The following ZNF679 variants were observed in gnomAD, a reference collection of about 807,000 sequenced individuals.
The protein encoded by ZNF679 is hypothetical protein MGC42415.
A neutral mutation model predicts 13.4 loss-of-function variants in ZNF679; 10 were observed. The ratio of observed to expected loss-of-function variants is 0.75; its 90% CI spans 0.46 to 1.27. The LOEUF is 1.27. Ranked by LOEUF, ZNF679 falls within the 50% of genes most tolerant of loss-of-function variation. The probability of loss-of-function intolerance (pLI) is 0.00; values close to 1 mark genes in which losing one functional copy is unlikely to be tolerated. For synonymous variants in ZNF679, 179 were observed against 162.5 expected, an observed-to-expected ratio of 1.10 and a Z score of -0.77; for missense variants, 525 against 477.8, an observed-to-expected ratio of 1.10 and a Z score of -0.92.
chr7:64,236,600 A>C (rs988323193), intron 1 of ZNF679, among the ~76,000 whole-genome samples: 5 of 151,964 alleles, frequency 3.3e-5, no homozygotes, highest in African/African-American at 7.3e-5. Context: ...GCCTGGCCAA[A>C]ATGGCGAAAC....
chr7:64,250,202 C>T (rs1465856776), intron 2 of ZNF679, among the ~76,000 whole-genome samples: 1 of 151,516 alleles, frequency 6.6e-6, no homozygotes, highest in Non-Finnish European at 1.5e-5. Flanking sequence ...AATCAATCCA[C>T]CTTAGTCTAA....
At chr7:64,241,173 A>G (rs529927943) in intron 1 of ZNF679, among the ~76,000 whole-genome samples, 114 of 152,330 alleles carry the variant, frequency 7.5e-4, no homozygotes, top group African/African-American at 2.5e-3. Flanking sequence ...TACAACGTGC[A>G]TGCAAGTCAT....
chr7:64,266,003 CAAGTAAAAACATGT>C lies in ZNF679; in HGVS notation c.373_386del (p.Val125LysfsTer4). 3.1e-6 allele frequency: 5 copies of C among 1,613,580 alleles called. No individual in the cohort carries two copies. Among genetic ancestry groups the C allele is most frequent in the Non-Finnish European group, 4.2e-6 (5 of 1,179,788 alleles). ...TGGAAAAAGTGGACATGACAATTTA[CAAGTAAAAACATGT>C]AAAAGCATGGGTGAGTGTGAGGTGC... On this transcript the variant is annotated frameshift_variant, in exon 5 of 5. Transcript: ENST00000421025. LOFTEE classifies it low-confidence loss of function (END_TRUNC).
intron 1 of ZNF679, among the ~76,000 whole-genome samples, chr7:64,247,963 C>G (rs548108960): frequency 6.6e-6 from 1 of 151,994 alleles, no homozygotes; most frequent in Non-Finnish European, 1.5e-5. Context: ...TCTCAGGCTG[C>G]CTGCATGTAT....
chr7:64,255,355 G>A (rs1028837594), intron 2 of ZNF679, among the ~76,000 whole-genome samples: 2 of 152,084 alleles, frequency 1.3e-5, no homozygotes, highest in Admixed American at 1.3e-4. Flanking sequence ...CCACCACAGC[G>A]CTTTTGCTTT....
chr7:64,260,454 T>A, intron 3 of ZNF679, 107 bp downstream of exon 3: 1 of 1,489,380 alleles, frequency 6.7e-7, no homozygotes, highest in Non-Finnish European at 8.9e-7. Flanking sequence ...GCTCTCTGAT[T>A]TGAAGAAAAT....
At chr7:64,253,925 T>C (rs1787972001) in intron 2 of ZNF679, among the ~76,000 whole-genome samples, 1 of 152,166 alleles carries the variant, frequency 6.6e-6, no homozygotes, top group Non-Finnish European at 1.5e-5. Context: ...AGAAGTATTT[T>C]GTTTTGACCA....
chr7:64,260,781 GTAAT>G, intron 3 of ZNF679, 49 bp from the exon 4 acceptor site: 1 of 1,533,502 alleles, frequency 6.5e-7, no homozygotes, highest in South Asian at 1.2e-5. Context: ...TACTCGTTTG[GTAAT>G]TAAAGAATTC....
In ZNF679 at chr7:64,266,213, T is replaced by G. The variant is rs1354204824; in HGVS notation, c.580T>G (p.Cys194Gly). The G allele has an allele frequency of 1.4e-5, 22 of 1,581,058 alleles. No homozygotes were observed. Among genetic ancestry groups the G allele is most frequent in the Non-Finnish European group, 1.7e-5 (20 of 1,161,986 alleles). The change falls in exon 5 of 5, where the codon TGC (cysteine) becomes GGC (glycine). Residue 194 changes from cysteine (C) to glycine (G), a missense_variant. Physicochemically the swap from Cys to Gly is radical, Grantham distance 159. Transcript: ENST00000421025. ...FKCKKYGKSFCMVSQLHQHQI... is the reference protein window; with the variant it reads ...FKCKKYGKSFGMVSQLHQHQI... Reference sequence around the variant, plus strand: ...ATGTAAAAAATATGGCAAATCATTTTGCATGGTTTCACAACTACATCAACA... The same window carrying G: ...ATGTAAAAAATATGGCAAATCATTTGGCATGGTTTCACAACTACATCAACA...
chr7:64,260,807 T>C, intron 3 of ZNF679, 27 bp from the exon 4 acceptor site: 1 of 1,584,892 alleles, frequency 6.3e-7, no homozygotes, highest in East Asian at 2.2e-5. Flanking sequence ...GCAAGATTTA[T>C]GTTACTTTTT....
At chr7:64,265,086 C>T (rs1397250401) in intron 4 of ZNF679, among the ~76,000 whole-genome samples, 1 of 151,762 alleles carries the variant, frequency 6.6e-6, no homozygotes, top group Non-Finnish European at 1.5e-5. Flanking sequence ...TTTGTAGTTG[C>T]TTTTTCAAAA....
intron 2 of ZNF679, among the ~76,000 whole-genome samples, chr7:64,258,974 C>A (rs1197013811): frequency 6.6e-6 from 1 of 152,010 alleles, no homozygotes; most frequent in Non-Finnish European, 1.5e-5. Flanking sequence ...TGAAATGGCA[C>A]AATCTCAGCC....
intron 1 of ZNF679, among the ~76,000 whole-genome samples, chr7:64,236,898 AAAAG>A (rs1787721752): frequency 1.4e-5 from 2 of 143,606 alleles, no homozygotes; most frequent in African/African-American, 2.5e-5. Context: ...GAAAAAAAGA[AAAAG>A]AAAAAAAGAA....
At chr7:64,231,870 T>C (rs1219404126) in intron 1 of ZNF679, among the ~76,000 whole-genome samples, 1 of 152,238 alleles carries the variant, frequency 6.6e-6, no homozygotes, top group Non-Finnish European at 1.5e-5. Flanking sequence ...ACAATCGCAC[T>C]TGCAGAAAGA....
intron 1 of ZNF679, 38 bp from the exon 2 acceptor site, chr7:64,248,990 C>T (rs1472261532): frequency 2.9e-6 from 4 of 1,378,046 alleles, no homozygotes; most frequent in Non-Finnish European, 4.0e-6. Context: ...AGGATGCCTC[C>T]GTAATTTTCC....
chr7:64,232,225 G>A (rs1034320475), intron 1 of ZNF679, among the ~76,000 whole-genome samples: 47 of 152,320 alleles, frequency 3.1e-4, no homozygotes, highest in Admixed American at 1.0e-3. Context: ...TGCATGTGTT[G>A]AGGGTGAAAA....
At chr7:64,235,390 A>G (rs1291773875) in intron 1 of ZNF679, among the ~76,000 whole-genome samples, 1 of 152,040 alleles carries the variant, frequency 6.6e-6, no homozygotes, top group African/African-American at 2.4e-5. Context: ...TTATAGTGCT[A>G]TATTGCTATA....
chr7:64,264,674 CTT>C (rs1584239338), intron 4 of ZNF679, among the ~76,000 whole-genome samples: 1 of 151,822 alleles, frequency 6.6e-6, no homozygotes, highest in Non-Finnish European at 1.5e-5. Flanking sequence ...TTTTTCAGCA[CTT>C]TGACCATTGT....
At chr7:64,239,520 C>A (rs1237499494) in intron 1 of ZNF679, among the ~76,000 whole-genome samples, 3 of 152,310 alleles carry the variant, frequency 2.0e-5, no homozygotes, top group South Asian at 2.1e-4. Context: ...ACACAGATAT[C>A]TTGTGACTTG....
Sources: allele counts gnomAD v4.1 joint callset (sites outside exome capture counted in the v4.1 genomes callset), GRCh38; gene constraint gnomAD v4.1.1; transcripts MANE v1.5; gene names NCBI Gene and HGNC (gene_info 2026-07-23, HGNC 2026-07-21).